PAM: variants seen among roughly 807,000 people sequenced by gnomAD.
PAM encodes peptidylglycine alpha-amidating monooxygenase.
A neutral mutation model predicts 122.1 loss-of-function variants in PAM; 72 were observed. That is an observed-to-expected ratio of 0.59 (90% CI 0.49 to 0.72). The LOEUF is 0.72. PAM is among the 30% of genes least tolerant of loss of function. The pLI, the probability that PAM is intolerant of heterozygous loss-of-function variation, is 0.00. For synonymous variants in PAM, 389 were observed against 404.4 expected (o/e 0.96, Z 0.46); for missense variants, 1,106 against 1,183.7 (o/e 0.93, Z 0.96).
At chr5:102,867,199 C>T (rs1317857948) in intron 2 of PAM, 74 bp from the exon 3 acceptor site, 7 of 1,025,348 alleles carry the variant, frequency 6.8e-6, no homozygotes, top group Non-Finnish European at 1.0e-5. Flanking sequence ...CATAGAATTC[C>T]TTTCTTTCCC....
intron 1 of PAM, among the ~76,000 whole-genome samples, chr5:102,784,029 G>A (rs947434161): frequency 2.0e-5 from 3 of 152,062 alleles, no homozygotes; most frequent in Non-Finnish European, 2.9e-5. Context: ...AAGTAGCTGG[G>A]ACTAAAGGCG....
At chr5:102,964,801 T>C (rs911985111) in intron 14 of PAM, among the ~76,000 whole-genome samples, 1 of 151,846 alleles carries the variant, frequency 6.6e-6, no homozygotes, top group Non-Finnish European at 1.5e-5. Context: ...TTTTAAAAAA[T>C]ATACCTTGAA....
At chr5:102,845,190 A>G (rs867002378) in intron 1 of PAM, among the ~76,000 whole-genome samples, 4 of 152,190 alleles carry the variant, frequency 2.6e-5, no homozygotes, top group Non-Finnish European at 4.4e-5. Context: ...ATGGTTTATA[A>G]CAAACAGCGT....
At chr5:102,950,664 T>A in intron 11 of PAM, 53 bp from the exon 12 acceptor site, 1 of 1,077,762 alleles carries the variant, frequency 9.3e-7, no homozygotes, top group Middle Eastern at 2.0e-4. Context: ...AAACATGTAG[T>A]TCTGGATTTT....
At chr5:103,005,358 G>A (rs1778643602) in intron 18 of PAM, 132 bp downstream of exon 18, 1 of 649,948 alleles carries the variant, frequency 1.5e-6, no homozygotes, top group Non-Finnish European at 2.8e-6. Flanking sequence ...CAAGAAAATA[G>A]AGCAGCCATG....
chr5:102,877,759 G>A (rs771088259), intron 3 of PAM, among the ~76,000 whole-genome samples: 1 of 152,162 alleles, frequency 6.6e-6, no homozygotes, highest in Non-Finnish European at 1.5e-5. Flanking sequence ...GCTGCATGCA[G>A]TGGCTCACAC....
chr5:102,858,945 C>T (rs1364676107), intron 1 of PAM, among the ~76,000 whole-genome samples: 1 of 152,142 alleles, frequency 6.6e-6, no homozygotes, highest in Non-Finnish European at 1.5e-5. Flanking sequence ...CTAGTAACAT[C>T]GTAGTCATCA....
At chr5:102,762,606 CT>C (rs1384011474) in intron 1 of PAM, among the ~76,000 whole-genome samples, 1 of 149,640 alleles carries the variant, frequency 6.7e-6, no homozygotes, top group Non-Finnish European at 1.5e-5. Flanking sequence ...TAATAAACTC[CT>C]TCTTTCCCTG....
chr5:102,913,174 C>G (rs933311599), intron 4 of PAM, among the ~76,000 whole-genome samples: 2 of 151,802 alleles, frequency 1.3e-5, no homozygotes, highest in African/African-American at 4.8e-5. Flanking sequence ...TTGATGAGAA[C>G]GCAAAAGGAT....
intron 1 of PAM, among the ~76,000 whole-genome samples, chr5:102,864,726 T>C (rs1467898910): frequency 6.6e-6 from 1 of 152,180 alleles, no homozygotes; most frequent in Non-Finnish European, 1.5e-5. Context: ...CATCTTCCCA[T>C]CAAATTCATT....
At position 102,827,811 on chromosome 5, in the gene PAM, C is replaced by T. The variant is rs1243084547; in HGVS notation, c.-373-38012C>T. Among the ~76,000 whole-genome samples the T allele has an allele frequency of 3.6e-4, 8 of 22,356 alleles. 3 individuals are homozygous for T. Among genetic ancestry groups the T allele is most frequent in the Non-Finnish European group, 5.2e-4 (7 of 13,420 alleles). The allele number at this position is 22,356 out of a possible 152,430, so 14.7% of individuals were successfully genotyped here. On this transcript the variant is annotated intron_variant, in intron 1 of 25. Transcript: ENST00000438793. ...ACGCCATTCTCCTGCCTCAGCCTCC[C>T]GAGTAGCTGGGACTACAGGCGCCCG...
At chr5:102,918,663 A>G (rs1021713484) in intron 5 of PAM, among the ~76,000 whole-genome samples, 1 of 152,060 alleles carries the variant, frequency 6.6e-6, no homozygotes, top group Non-Finnish European at 1.5e-5. Flanking sequence ...AGCTACTTAG[A>G]GTTTCAGGCT....
chr5:102,779,918 T>TAC lies in PAM; in HGVS notation c.-374+24576_-374+24577dup, dbSNP rs1554059721. Among the ~76,000 whole-genome samples, 587 of 95,662 alleles carry TAC rather than the reference T, an allele frequency of 6.1e-3. 8 individuals carry two copies. The highest frequency in any genetic ancestry group is 0.024 in the South Asian group (65 of 2,712). The allele number at this position is 95,662 out of a possible 152,430, so 62.8% of individuals were successfully genotyped here. On this transcript the variant is annotated intron_variant, in intron 1 of 25. Coordinates refer to ENST00000438793, the MANE Select transcript of PAM (RefSeq NM_001177306.2). ...ATATATATATATATATATATATATA[T>TAC]ACACACATATATATATGTATATATC...
intron 1 of PAM, among the ~76,000 whole-genome samples, chr5:102,779,106 A>G (rs1757919292): frequency 6.6e-6 from 1 of 152,050 alleles, no homozygotes; most frequent in Non-Finnish European, 1.5e-5. Context: ...TATTGGATCC[A>G]GTGTCTCCTT....
intron 15 of PAM, among the ~76,000 whole-genome samples, chr5:102,981,060 T>C (rs1219172435): frequency 1.3e-5 from 2 of 152,184 alleles, no homozygotes; most frequent in Non-Finnish European, 2.9e-5. Flanking sequence ...GGGGTTCTAA[T>C]ATGTGACAAA....
intron 3 of PAM, among the ~76,000 whole-genome samples, chr5:102,881,155 C>CACACACACACACACACACACACACAG (rs1046039847): frequency 5.0e-4 from 76 of 151,210 alleles, no homozygotes; most frequent in African/African-American, 1.8e-3. Context: ...CACACACACA[C>CACACACACACACACACACACACACAG]AGAGACTTCT....
At chr5:102,817,625 C>T (rs946774559) in intron 1 of PAM, among the ~76,000 whole-genome samples, 1 of 151,982 alleles carries the variant, frequency 6.6e-6, no homozygotes, top group Admixed American at 6.6e-5. Flanking sequence ...TTGGATGGCA[C>T]TATCATTAAT....
At chr5:102,818,114 C>G (rs1481571825) in intron 1 of PAM, among the ~76,000 whole-genome samples, 1 of 146,208 alleles carries the variant, frequency 6.8e-6, no homozygotes, top group Non-Finnish European at 1.5e-5. Flanking sequence ...CTTTTTCTTG[C>G]TTTTTAAAAC....
intron 3 of PAM, among the ~76,000 whole-genome samples, chr5:102,889,786 C>T (rs1020530928): frequency 4.6e-5 from 7 of 151,822 alleles, no homozygotes; most frequent in African/African-American, 1.2e-4. Flanking sequence ...ACCAAGTCAG[C>T]GGTTTCCTTG....
Sources: allele counts gnomAD v4.1 joint callset (sites outside exome capture counted in the v4.1 genomes callset), GRCh38; gene constraint gnomAD v4.1.1; transcripts MANE v1.5; gene names NCBI Gene and HGNC (gene_info 2026-07-23, HGNC 2026-07-21).